The following GARIN5A variants were observed in gnomAD, a reference collection of about 807,000 sequenced individuals.
GARIN5A encodes golgi associated RAB2 interactor 5A.
chr19:50,475,890 C>G, the GARIN5A span: 1 of 1,614,028 alleles, frequency 6.2e-7, no homozygotes, highest in South Asian at 1.1e-5. Flanking sequence ...ATTCGCCGCT[C>G]TGGAGGTAGC....
At chr19:50,472,119 T>C in the GARIN5A span, among the ~76,000 whole-genome samples, 159 of 150,970 alleles carry the variant, frequency 1.1e-3, no homozygotes, top group East Asian at 0.015. Context: ...TGTGTATATG[T>C]ATATATACGT....
chr19:50,471,996 A>T, the GARIN5A span, among the ~76,000 whole-genome samples: 2 of 150,456 alleles, frequency 1.3e-5, no homozygotes, highest in African/African-American at 5.0e-5. Context: ...ATGTATATAT[A>T]CGTGTATGTA....
the GARIN5A span, among the ~76,000 whole-genome samples, chr19:50,472,575 T>C: frequency 2.6e-5 from 4 of 152,110 alleles, no homozygotes; most frequent in African/African-American, 9.6e-5. Context: ...AGTGATGAGA[T>C]CAATTGGTGA....
the GARIN5A span, among the ~76,000 whole-genome samples, chr19:50,471,892 G>GTATGCATACATGTATGTA: frequency 5.3e-5 from 8 of 150,938 alleles, no homozygotes; most frequent in African/African-American, 1.7e-4. Context: ...GTGTGTATAT[G>GTATGCATACATGTATGTA]TATGCATACA....
At chr19:50,468,297 G>T in the GARIN5A span, among the ~76,000 whole-genome samples, 1 of 150,462 alleles carries the variant, frequency 6.6e-6, no homozygotes, top group African/African-American at 2.5e-5. Context: ...GGGAGGCGGA[G>T]GTTGCAGTGA....
At chr19:50,472,278 TAC>T in the GARIN5A span, among the ~76,000 whole-genome samples, 8 of 151,628 alleles carry the variant, frequency 5.3e-5, no homozygotes, top group African/African-American at 1.9e-4. Context: ...TATGTATATA[TAC>T]ATGTATGTGT....
At chr19:50,467,747 T>A in the GARIN5A span, 1 of 1,608,896 alleles carries the variant, frequency 6.2e-7, no homozygotes, top group Non-Finnish European at 8.5e-7. Context: ...AAGTAGAAGG[T>A]GCGGCTGGTG....
At chr19:50,472,401 G>A in the GARIN5A span, among the ~76,000 whole-genome samples, 40 of 152,114 alleles carry the variant, frequency 2.6e-4, 1 homozygote, top group Admixed American at 2.4e-3. Context: ...GGGGCTAGGA[G>A]GTGAGTCCTG....
chr19:50,475,790 G>A, the GARIN5A span: 1 of 1,415,942 alleles, frequency 7.1e-7, no homozygotes, highest in East Asian at 2.3e-5. Context: ...GAGGTCGAGG[G>A]GCAGGCCGAG....
the GARIN5A span, among the ~76,000 whole-genome samples, chr19:50,469,963 A>T: frequency 6.6e-6 from 1 of 152,164 alleles, no homozygotes; most frequent in Non-Finnish European, 1.5e-5. Flanking sequence ...AGTTGCTATT[A>T]TATTTACCCA....
chr19:50,468,613 G>T, the GARIN5A span, among the ~76,000 whole-genome samples: 1 of 151,760 alleles, frequency 6.6e-6, no homozygotes, highest in Non-Finnish European at 1.5e-5. Context: ...ATTTTTTGTT[G>T]GTTTTTGAGA....
chr19:50,471,815 CCT>C, the GARIN5A span, among the ~76,000 whole-genome samples: 1 of 146,658 alleles, frequency 6.8e-6, no homozygotes, highest in East Asian at 2.0e-4. Context: ...CGCATACATA[CCT>C]GTGTGTATAC....
At chr19:50,475,824 G>T in the GARIN5A span, 19 of 1,600,382 alleles carry the variant, frequency 1.2e-5, no homozygotes, top group African/African-American at 4.0e-5. Flanking sequence ...GGGTTCTGGG[G>T]CTCCCTACCT....
At chr19:50,466,856 T>C in the GARIN5A span, 1 of 152,794 alleles carries the variant, frequency 6.5e-6, no homozygotes, top group South Asian at 2.1e-4. This position sits in a 1 kb window ranked among gnomAD's most constrained non-coding sequence, Gnocchi z 4.9. Context: ...GCAAGGTACT[T>C]TGATCTCTGG....
At chr19:50,476,792 G>A in the GARIN5A span, 1 of 616,414 alleles carries the variant, frequency 1.6e-6, no homozygotes. Context: ...TGGAAAGCCA[G>A]GCCTCAGTCA....
the GARIN5A span, chr19:50,476,205 T>C: frequency 3.1e-6 from 5 of 1,613,708 alleles, no homozygotes; most frequent in South Asian, 4.4e-5. Flanking sequence ...CTCATTGCAA[T>C]GTCCCCGTCC....
the GARIN5A span, among the ~76,000 whole-genome samples, chr19:50,468,203 A>G: frequency 6.6e-6 from 1 of 151,922 alleles, no homozygotes; most frequent in Non-Finnish European, 1.5e-5. Context: ...TCTACTAAAA[A>G]TAGTAAAAAT....
the GARIN5A span, among the ~76,000 whole-genome samples, chr19:50,472,654 G>A: frequency 6.6e-6 from 1 of 152,126 alleles, no homozygotes; most frequent in African/African-American, 2.4e-5. Context: ...CAGCACTTTG[G>A]GAGGTTGAGG....
At chr19:50,469,184 C>T in the GARIN5A span, among the ~76,000 whole-genome samples, 1 of 152,220 alleles carries the variant, frequency 6.6e-6, no homozygotes, top group Non-Finnish European at 1.5e-5. Context: ...GCCACACTGG[C>T]CTCCCTGCTG....
Sources: allele counts gnomAD v4.1 joint callset (sites outside exome capture counted in the v4.1 genomes callset), GRCh38; gene constraint gnomAD v4.1.1; non-coding constraint Gnocchi (gnomAD v3.1); transcripts MANE v1.5; gene names NCBI Gene and HGNC (gene_info 2026-07-23, HGNC 2026-07-21).